The following MYO1D variants were observed in gnomAD, a reference collection of about 807,000 sequenced individuals.
MYO1D encodes the protein myosin ID.
A neutral mutation model predicts 122.0 loss-of-function variants in MYO1D; 83 were observed. That is an observed-to-expected ratio of 0.68 (90% CI 0.57 to 0.82). The LOEUF (loss-of-function observed/expected upper bound fraction) is 0.82. Ranked by LOEUF, MYO1D falls within the 40% of genes least tolerant of loss-of-function variation. The probability of loss-of-function intolerance (pLI) is 0.00; values close to 1 mark genes in which losing one functional copy is unlikely to be tolerated. For missense variants in MYO1D, 1,157 were observed against 1,269.5 expected (o/e 0.91, Z 1.35); for synonymous variants, 464 against 446.9 (o/e 1.04, Z -0.48).
intron 1 of MYO1D, among the ~76,000 whole-genome samples, chr17:32,795,223 A>G (rs1389461957): frequency 6.6e-6 from 1 of 152,106 alleles, no homozygotes; most frequent in Non-Finnish European, 1.5e-5. Flanking sequence ...ATAGAATTAA[A>G]CCCGATCCCC....
At chr17:32,679,428 A>G (rs2088873573) in intron 16 of MYO1D, among the ~76,000 whole-genome samples, 2 of 151,936 alleles carry the variant, frequency 1.3e-5, no homozygotes, top group Non-Finnish European at 2.9e-5. Flanking sequence ...TCTTGAACTG[A>G]TTTTTGTATA....
chr17:32,585,725 A>C (rs2150903293), intron 21 of MYO1D, among the ~76,000 whole-genome samples: 1 of 148,886 alleles, frequency 6.7e-6, no homozygotes, highest in South Asian at 2.2e-4. Flanking sequence ...GCAACAGAGC[A>C]AGAATCCGTC....
chr17:32,847,238 A>G (rs1402019234), intron 1 of MYO1D, among the ~76,000 whole-genome samples: 1 of 152,248 alleles, frequency 6.6e-6, no homozygotes, highest in African/African-American at 2.4e-5. Flanking sequence ...TATAGAATGG[A>G]ACATCAGTAC....
At chr17:32,542,613 TAAA>T (rs67238143) in intron 21 of MYO1D, among the ~76,000 whole-genome samples, 3 of 124,862 alleles carry the variant, frequency 2.4e-5, no homozygotes, top group East Asian at 2.6e-4. Flanking sequence ...GAGGTAACGC[TAAA>T]AAAAAAAAAA....
intron 20 of MYO1D, among the ~76,000 whole-genome samples, chr17:32,634,794 C>G (rs1317156389): frequency 6.6e-6 from 1 of 152,142 alleles, no homozygotes; most frequent in Non-Finnish European, 1.5e-5. Context: ...ATCCAAGGAC[C>G]TAGGATGCCT....
chr17:32,644,386 T>G (rs1017807286), intron 19 of MYO1D, among the ~76,000 whole-genome samples: 1 of 152,204 alleles, frequency 6.6e-6, no homozygotes, highest in East Asian at 1.9e-4. Flanking sequence ...AGAATGTATA[T>G]TCTGTTGATT....
intron 21 of MYO1D, among the ~76,000 whole-genome samples, chr17:32,542,521 T>C (rs1015070587): frequency 6.7e-6 from 1 of 150,214 alleles, no homozygotes; most frequent in Non-Finnish European, 1.5e-5. Flanking sequence ...TGTGTATTAA[T>C]GAGAAGGGAC....
intron 16 of MYO1D, among the ~76,000 whole-genome samples, chr17:32,702,208 C>A (rs960735455): frequency 6.6e-6 from 1 of 152,152 alleles, no homozygotes; most frequent in Non-Finnish European, 1.5e-5. Flanking sequence ...TTTCCTTTCC[C>A]ACTATTATAC....
At chr17:32,613,442 C>T (rs939268682) in intron 20 of MYO1D, among the ~76,000 whole-genome samples, 8 of 152,184 alleles carry the variant, frequency 5.3e-5, no homozygotes, top group African/African-American at 1.4e-4. Flanking sequence ...TGACCATGAG[C>T]GTATATTCAC....
At chr17:32,692,555 T>A (rs2089117886) in intron 16 of MYO1D, among the ~76,000 whole-genome samples, 1 of 152,364 alleles carries the variant, frequency 6.6e-6, no homozygotes, top group South Asian at 2.1e-4. Flanking sequence ...GACTAAGCAG[T>A]GAACGGCTAT....
chr17:32,595,335 T>A (rs1371641779), intron 21 of MYO1D, among the ~76,000 whole-genome samples: 4 of 152,212 alleles, frequency 2.6e-5, no homozygotes, highest in Non-Finnish European at 5.9e-5. Context: ...ATTTTCAATA[T>A]TCCTAATGAA....
chr17:32,842,886 C>CTTTTTTTTTTTT (rs34927176), intron 1 of MYO1D, among the ~76,000 whole-genome samples: 14 of 104,456 alleles, frequency 1.3e-4, no homozygotes, highest in Non-Finnish European at 2.2e-4. Context: ...CTATTTCTTT[C>CTTTTTTTTTTTT]TTTTTTTTTT....
chr17:32,690,574 G>A (rs928683278), intron 16 of MYO1D, among the ~76,000 whole-genome samples: 4 of 152,206 alleles, frequency 2.6e-5, no homozygotes, highest in African/African-American at 9.7e-5. Flanking sequence ...TGGAGGTGGG[G>A]CCTGGTAGGA....
At position 32,765,038 on chromosome 17, in the gene MYO1D, T is replaced by C. The variant is rs747065551; in HGVS notation, c.875A>G (p.Glu292Gly). The C allele has an allele frequency of 2.0e-5, 33 of 1,613,920 alleles. No individual in the cohort carries two copies. The East Asian group carries it at 5.6e-4, about 27-fold the overall frequency. Residue 292 changes from glutamate to glycine, a missense_variant, in exon 8 of 22, where the codon GAG becomes GGG. Transcript: ENST00000318217. ...FVVDGDTPLI[E>G]NGKVVSIIAE... Reference sequence around the variant, plus strand: ...TATGATAGATACTACTTTGCCATTCTCAATAAGAGGCGTGTCACCATCTAC... The same window carrying C: ...TATGATAGATACTACTTTGCCATTCCCAATAAGAGGCGTGTCACCATCTAC...
intron 16 of MYO1D, among the ~76,000 whole-genome samples, chr17:32,666,851 C>T (rs2088643151): frequency 6.6e-6 from 1 of 152,236 alleles, no homozygotes; most frequent in Admixed American, 6.5e-5. Flanking sequence ...AATTGTTCAA[C>T]ATTTCAGCTC....
chr17:32,749,183 C>A (rs1488738117), intron 11 of MYO1D, among the ~76,000 whole-genome samples, 177 bp from the exon 12 acceptor site: 2 of 152,184 alleles, frequency 1.3e-5, no homozygotes, highest in Non-Finnish European at 1.5e-5. Context: ...TAGAAATCCA[C>A]ACAGCTAGAC....
chr17:32,794,582 A>G (rs948135071), intron 1 of MYO1D, among the ~76,000 whole-genome samples: 1 of 152,020 alleles, frequency 6.6e-6, no homozygotes, highest in African/African-American at 2.4e-5. Context: ...AAGAATAAAC[A>G]GCAGACTCAT....
intron 1 of MYO1D, among the ~76,000 whole-genome samples, chr17:32,861,329 G>C (rs936737096): frequency 1.3e-5 from 2 of 152,078 alleles, no homozygotes; most frequent in African/African-American, 4.8e-5. Flanking sequence ...GCCTCCCAAA[G>C]TGCTAGGATT....
intron 20 of MYO1D, among the ~76,000 whole-genome samples, chr17:32,605,935 A>AC (rs555218650): frequency 1.0e-3 from 155 of 151,786 alleles, no homozygotes; most frequent in African/African-American, 3.0e-3. Context: ...CAAAAAAAAA[A>AC]ACACACAAAA....
Sources: allele counts gnomAD v4.1 joint callset (sites outside exome capture counted in the v4.1 genomes callset), GRCh38; gene constraint gnomAD v4.1.1; transcripts MANE v1.5; gene names NCBI Gene and HGNC (gene_info 2026-07-23, HGNC 2026-07-21).